DAPK2: variants seen among roughly 807,000 people sequenced by gnomAD.
The protein encoded by DAPK2 is death-associated protein kinase 2.
In DAPK2, 35 loss-of-function variants were observed where a neutral mutation model predicts 44.1. That is an observed-to-expected ratio of 0.79 (90% CI 0.61 to 1.05). The LOEUF (loss-of-function observed/expected upper bound fraction) is 1.05, where lower values mean the gene tolerates loss of function less well. DAPK2 is among the 50% of genes least tolerant of loss of function. The pLI, the probability that DAPK2 is intolerant of heterozygous loss-of-function variation, is 0.00. For synonymous variants in DAPK2, 174 were observed against 182.6 expected (o/e 0.95, Z 0.38); for missense variants, 453 against 483.2 (o/e 0.94, Z 0.59).
rs5813271 is a variant in DAPK2, at chr15:63,982,187, C to CTTT, written c.314+1343_314+1345dup. On this transcript the variant is annotated intron_variant, in intron 2 of 10. Transcript: ENST00000261891. ...ACATGCTTATGAGCCTCAGAATATT[C>CTTT]TTTTTTTTTTTTTTTTTTTTTCCGA... Among the ~76,000 whole-genome samples, 105 of 107,834 alleles carry CTTT rather than the reference C, an allele frequency of 9.7e-4. 1 individual carries two copies. Among genetic ancestry groups the CTTT allele is most frequent in the Non-Finnish European group, 1.2e-3 (70 of 56,918 alleles). The allele number at this position is 107,834 out of a possible 152,430, so 70.7% of individuals were successfully genotyped here. A position where few individuals can be genotyped will look rare whatever the true frequency, so the allele number is the denominator to read the frequency against.
At chr15:64,045,987 G>T (rs1327904931) in intron 1 of DAPK2, among the ~76,000 whole-genome samples, 1 of 152,224 alleles carries the variant, frequency 6.6e-6, no homozygotes, top group Non-Finnish European at 1.5e-5. Context: ...GTTCCAGGGG[G>T]CCTAACTCGA....
chr15:63,974,356 G>A (rs1326344514), intron 2 of DAPK2, among the ~76,000 whole-genome samples: 1 of 152,206 alleles, frequency 6.6e-6, no homozygotes, highest in African/African-American at 2.4e-5. Context: ...GTAACAGCTT[G>A]ATTTTATACA....
chr15:63,932,768 G>C (rs896319143), intron 4 of DAPK2: 29 of 152,108 alleles, frequency 1.9e-4, no homozygotes, highest in African/African-American at 7.0e-4. Context: ...TTAAGACTCA[G>C]GGAACTACGC....
At chr15:63,985,065 A>G (rs923386113) in intron 1 of DAPK2, among the ~76,000 whole-genome samples, 5 of 152,326 alleles carry the variant, frequency 3.3e-5, no homozygotes, top group Admixed American at 6.5e-5. Context: ...TCTCCATTCA[A>G]TCAACACTGT....
At chr15:63,987,377 C>G (rs1395521866) in intron 1 of DAPK2, among the ~76,000 whole-genome samples, 1 of 152,126 alleles carries the variant, frequency 6.6e-6, no homozygotes, top group African/African-American at 2.4e-5. Context: ...TAGGACAGAG[C>G]CACCCAGAAT....
rs1364164003 is a variant in DAPK2 at position 63,923,348 on chromosome 15, T to C, written c.858+1468A>G. 2.6e-6 allele frequency: 4 copies of C among 1,533,262 alleles called. No individual in the cohort carries two copies. Among genetic ancestry groups the C allele is most frequent in the African/African-American group, 1.4e-5 (1 of 72,892 alleles). The allele number at this position is 1,533,262 out of a possible 1,614,324, so 95.0% of individuals were successfully genotyped here. A position where few individuals can be genotyped will look rare whatever the true frequency, so the allele number is the denominator to read the frequency against. On this transcript the variant is annotated intron_variant, in intron 8 of 10. Coordinates refer to ENST00000261891, the Ensembl canonical transcript of DAPK2. This position sits in a 1 kb window ranked among gnomAD's most constrained non-coding sequence, Gnocchi z 4.2. ...GGCTCTGCCTTCTCCTTTTGACTGG[T>C]GGGTGTTCAGACAGAAGAATCAGAG... is the stretch of plus-strand genomic sequence containing the variant.
chr15:64,010,555 C>T (rs1314275134), intron 1 of DAPK2, among the ~76,000 whole-genome samples: 1 of 152,156 alleles, frequency 6.6e-6, no homozygotes, highest in Non-Finnish European at 1.5e-5. Flanking sequence ...AGTTATTTCT[C>T]ATCACTCCCA....
At chr15:63,949,376 T>C (rs780207986) in intron 3 of DAPK2, among the ~76,000 whole-genome samples, 7 of 152,200 alleles carry the variant, frequency 4.6e-5, no homozygotes, top group Non-Finnish European at 8.8e-5. Flanking sequence ...ACCACTGGCT[T>C]TCAGTCCTGG....
chr15:64,025,334 G>A (rs977324174), intron 1 of DAPK2, among the ~76,000 whole-genome samples: 4 of 152,198 alleles, frequency 2.6e-5, no homozygotes, highest in African/African-American at 9.7e-5. Flanking sequence ...GCAGGGCCAG[G>A]TATCGAGGAG....
At chr15:63,976,124 A>G (rs2078339835) in intron 2 of DAPK2, among the ~76,000 whole-genome samples, 1 of 152,198 alleles carries the variant, frequency 6.6e-6, no homozygotes. Context: ...ATATGCTGTG[A>G]CTTACAAAAT....
chr15:63,962,111 C>T (rs140209137), intron 3 of DAPK2, among the ~76,000 whole-genome samples: 3 of 152,242 alleles, frequency 2.0e-5, no homozygotes, highest in African/African-American at 4.8e-5. Context: ...ATCACTGATA[C>T]CCTTTCTTCC....
chr15:64,031,901 C>A lies in DAPK2; in HGVS notation c.92+8269G>T, dbSNP rs2080027441. On this transcript the variant is annotated intron_variant, in intron 1 of 10. Coordinates refer to ENST00000261891, the Ensembl canonical transcript of DAPK2. The stretch of plus-strand genomic sequence containing the variant: ...TGGAAGTAATTTTTGTGTTTTGTTT[C>A]CCACTTTGTGTTTGGGGAATCCTGG... Among the ~76,000 whole-genome samples, 4 of 152,274 alleles carry A rather than the reference C, an allele frequency of 2.6e-5. No individual in the cohort carries two copies. In the South Asian group the frequency reaches 8.3e-4, roughly 32 times the overall value.
intron 1 of DAPK2, among the ~76,000 whole-genome samples, chr15:63,995,451 C>T (rs538143728): frequency 6.6e-6 from 1 of 152,284 alleles, no homozygotes; most frequent in South Asian, 2.1e-4. Context: ...TCTAAAGAAG[C>T]TATAGGTCTT....
chr15:63,909,873 A>C, intron 10 of DAPK2: 1 of 152,058 alleles, frequency 6.6e-6, no homozygotes, highest in East Asian at 1.9e-4. Flanking sequence ...TCTGTCAGGG[A>C]AGAAGGGCCA....
intron 1 of DAPK2, among the ~76,000 whole-genome samples, chr15:63,987,229 C>T (rs979193625): frequency 6.6e-6 from 1 of 152,146 alleles, no homozygotes; most frequent in African/African-American, 2.4e-5. Context: ...AGGGCCCAGC[C>T]AACCCAAGGG....
rs980473724 is a variant in DAPK2, at chr15:63,944,107, G to A, written c.454-4746C>T. 3.9e-5 allele frequency among the ~76,000 whole-genome samples: 6 copies of A among 152,268 alleles called. No homozygotes were observed. The East Asian group carries it at 9.6e-4, about 24-fold the overall frequency. On this transcript the variant is annotated intron_variant, in intron 3 of 10. Transcript: ENST00000261891. Reference sequence around the variant, plus strand: ...TGAGCAGGAGGTCCTCAAGTCAGATGAGAAAACGGAGGTCCTGGCAGGGCG... The same window carrying A: ...TGAGCAGGAGGTCCTCAAGTCAGATAAGAAAACGGAGGTCCTGGCAGGGCG...
chr15:64,037,419 T>C (rs563746687), intron 1 of DAPK2, among the ~76,000 whole-genome samples: 10 of 152,338 alleles, frequency 6.6e-5, no homozygotes, highest in Admixed American at 3.3e-4. Flanking sequence ...CCATGCCCCA[T>C]CAATCCCTTG....
At chr15:63,987,950 T>C (rs969367403) in intron 1 of DAPK2, among the ~76,000 whole-genome samples, 3 of 152,106 alleles carry the variant, frequency 2.0e-5, no homozygotes, top group African/African-American at 7.2e-5. Flanking sequence ...ATGTCTGAGA[T>C]AGGACTTTAC....
intron 2 of DAPK2, among the ~76,000 whole-genome samples, chr15:63,982,276 C>T (rs28538021): frequency 0.064 from 9,730 of 150,978 alleles, 632 homozygotes; most frequent in African/African-American, 0.17. Context: ...CTGCAACCTC[C>T]GCCTCCCGGG....
Sources: allele counts gnomAD v4.1 joint callset (sites outside exome capture counted in the v4.1 genomes callset), GRCh38; gene constraint gnomAD v4.1.1; non-coding constraint Gnocchi (gnomAD v3.1); transcripts MANE v1.5; gene names NCBI Gene and HGNC (gene_info 2026-07-23, HGNC 2026-07-21).